PLCE1: variants seen among roughly 807,000 people sequenced by gnomAD.
The protein encoded by PLCE1 is 1-phosphatidylinositol 4,5-bisphosphate phosphodiesterase epsilon-1.
A neutral mutation model predicts 242.8 loss-of-function variants in PLCE1; 119 were observed. The observed-to-expected ratio is 0.49, with a 90% confidence interval of 0.42 to 0.57. The LOEUF (loss-of-function observed/expected upper bound fraction) is 0.57, where lower values mean the gene tolerates loss of function less well. PLCE1 is among the 20% of genes least tolerant of loss of function. PLCE1 has a pLI of 0.00. For synonymous variants in PLCE1, 945 were observed against 1,017.4 expected (o/e 0.93, Z 1.35); for missense variants, 2,441 against 2,788.8 (o/e 0.88, Z 2.81).
At chr10:94,208,845 G>T (rs1256339399) in intron 4 of PLCE1, among the ~76,000 whole-genome samples, 1 of 152,184 alleles carries the variant, frequency 6.6e-6, no homozygotes, top group African/African-American at 2.4e-5. Context: ...ACCAAAGTGG[G>T]TCTCATTGCA....
At chr10:94,321,788 A>T in intron 29 of PLCE1, 113 bp from the exon 30 acceptor site, 3 of 742,626 alleles carry the variant, frequency 4.0e-6, no homozygotes, top group Non-Finnish European at 6.9e-6. Context: ...ATGAGATATT[A>T]AGCTAAGAAG....
intron 19 of PLCE1, 140 bp downstream of exon 19, chr10:94,273,860 T>G (rs2051840966): frequency 2.4e-6 from 2 of 818,210 alleles, no homozygotes; most frequent in Middle Eastern, 2.5e-4. Context: ...AGTTTGATTT[T>G]GGGCTTTTCA....
At chr10:94,230,512 A>C (rs1669091003) in intron 5 of PLCE1, among the ~76,000 whole-genome samples, 1 of 152,026 alleles carries the variant, frequency 6.6e-6, no homozygotes, top group South Asian at 2.1e-4. Flanking sequence ...TTTAGTAGAG[A>C]TGGACTTTCA....
intron 4 of PLCE1, among the ~76,000 whole-genome samples, chr10:94,185,280 A>G (rs999686898): frequency 1.3e-5 from 2 of 152,246 alleles, no homozygotes; most frequent in Non-Finnish European, 2.9e-5. Context: ...GGATCACCTG[A>G]GATCAGGAGT....
intron 4 of PLCE1, among the ~76,000 whole-genome samples, chr10:94,191,226 C>T (rs1221630181): frequency 6.6e-6 from 1 of 152,180 alleles, no homozygotes; most frequent in African/African-American, 2.4e-5. Flanking sequence ...AATGGCATAA[C>T]ATTACTCTCC....
At chr10:94,187,052 T>C (rs897978337) in intron 4 of PLCE1, among the ~76,000 whole-genome samples, 1 of 151,826 alleles carries the variant, frequency 6.6e-6, no homozygotes, top group African/African-American at 2.4e-5. Context: ...GACATGGGGC[T>C]AAAAAAATGA....
intron 7 of PLCE1, among the ~76,000 whole-genome samples, chr10:94,240,216 C>T (rs947840291): frequency 6.6e-6 from 1 of 152,160 alleles, no homozygotes; most frequent in Non-Finnish European, 1.5e-5. Context: ...AACTTAAACT[C>T]AAGCCAGACA....
Position 94,306,720 on chromosome 10 carries a change from G to T in PLCE1, c.5884+32G>T, listed in dbSNP as rs1451952804. The stretch of plus-strand genomic sequence containing the variant: ...TAAAATTGTCCAAATGTTAATAATT[G>T]TTGTAGCTAGGTGATGGATGCCAGA... On this transcript the variant is annotated intron_variant, in intron 26 of 32. Coordinates refer to ENST00000371380, the MANE Select transcript of PLCE1 (RefSeq NM_016341.4). This position sits in a 1 kb window ranked among gnomAD's most constrained non-coding sequence, Gnocchi z 5.7. The T allele has an allele frequency of 6.5e-7, 1 of 1,539,954 alleles. No homozygotes were observed. The highest frequency in any genetic ancestry group is 1.7e-5 in the Admixed American group (1 of 57,322).
Position 94,030,873 on chromosome 10 carries a change from A to G in PLCE1, c.-174A>G, listed in dbSNP as rs1423650892. On this transcript the variant is annotated 5_prime_UTR_variant, in exon 2 of 33. An upstream open reading frame in the 5' UTR loses its in-frame stop. Coordinates refer to ENST00000371380, the MANE Select transcript of PLCE1 (RefSeq NM_016341.4). ...ATATTCATGATAGGAAGTTATAACTAAGAAAATTTATTTGCCTCTTAATGC... is the reference window on the plus strand; with the variant it reads ...ATATTCATGATAGGAAGTTATAACTGAGAAAATTTATTTGCCTCTTAATGC... 1 of 652,570 alleles carries G rather than the reference A, an allele frequency of 1.5e-6. No homozygotes were observed. The highest frequency in any genetic ancestry group is 1.8e-5 in the African/African-American group (1 of 54,508). 40.4% of individuals were successfully genotyped at this position (652,570 alleles called of 1,614,324 possible).
rs1442292574 is a variant in PLCE1, at chr10:94,162,984, C to T, written c.1493-8196C>T. Among the ~76,000 whole-genome samples the T allele has an allele frequency of 2.0e-5, 3 of 152,158 alleles. No homozygotes were observed. In the South Asian group the frequency reaches 6.2e-4, roughly 32 times the overall value. ...AGTGGTTTTGAGTGAGTTTCTTAAT[C>T]CTGAGTTCTAGTTTGATTGCACCGT... On this transcript the variant is annotated intron_variant, in intron 3 of 32. Coordinates refer to ENST00000371380, the MANE Select transcript of PLCE1 (RefSeq NM_016341.4).
At chr10:94,049,011 G>A (rs567970453) in intron 2 of PLCE1, among the ~76,000 whole-genome samples, 1 of 151,950 alleles carries the variant, frequency 6.6e-6, no homozygotes, top group Admixed American at 6.6e-5. Context: ...CTATGCTCCT[G>A]CCTCAGCCTT....
chr10:94,049,105 G>A (rs1010375985), intron 2 of PLCE1, among the ~76,000 whole-genome samples: 1 of 151,964 alleles, frequency 6.6e-6, no homozygotes, highest in Non-Finnish European at 1.5e-5. Flanking sequence ...TGTGTATAGT[G>A]TTAATACTTT....
At chr10:94,089,040 A>G in intron 2 of PLCE1, 1 of 1,592,086 alleles carries the variant, frequency 6.3e-7, no homozygotes, top group Admixed American at 1.7e-5. Context: ...TGCACGTTGC[A>G]GGATTTTTCA....
intron 2 of PLCE1, among the ~76,000 whole-genome samples, chr10:94,075,367 G>A (rs1012093223): frequency 2.0e-5 from 3 of 152,122 alleles, no homozygotes; most frequent in Non-Finnish European, 4.4e-5. Context: ...AAAAAATATT[G>A]GGCTAGTAGA....
intron 2 of PLCE1, among the ~76,000 whole-genome samples, chr10:94,048,200 A>G (rs2043649679): frequency 6.6e-6 from 1 of 152,046 alleles, no homozygotes; most frequent in South Asian, 2.1e-4. Context: ...GAGTGTTTCT[A>G]TGTTTTTGGT....
At chr10:94,039,495 C>G (rs1360801206) in intron 2 of PLCE1, among the ~76,000 whole-genome samples, 2 of 151,980 alleles carry the variant, frequency 1.3e-5, no homozygotes, top group African/African-American at 4.8e-5. Context: ...AATTCTCATG[C>G]CTCAACCTGA....
intron 1 of PLCE1, among the ~76,000 whole-genome samples, chr10:94,026,268 A>G (rs757460261): frequency 2.6e-4 from 39 of 152,232 alleles, no homozygotes; most frequent in Middle Eastern, 6.8e-3. Flanking sequence ...CCATAGATCG[A>G]CTTCCTGGCC....
At chr10:94,106,192 C>T (rs1409883872) in intron 2 of PLCE1, 1 of 152,142 alleles carries the variant, frequency 6.6e-6, no homozygotes, top group African/African-American at 2.4e-5. Flanking sequence ...AATTTTTCAC[C>T]CACTTCAAAA....
chr10:94,224,742 C>A lies in PLCE1; in HGVS notation c.1810-2564C>A, dbSNP rs568318353. ...TAAAGGAAGAATTAGATGGATGCAC[C>A]AATGACTCAGTCTCTGTTAGCAAAA... is the stretch of plus-strand genomic sequence containing the variant. On this transcript the variant is annotated intron_variant, in intron 4 of 32. Transcript: ENST00000371380. 4.6e-5 allele frequency among the ~76,000 whole-genome samples: 7 copies of A among 152,304 alleles called. No homozygotes were observed. In the South Asian group the frequency reaches 1.4e-3, roughly 32 times the overall value.
Sources: gnomAD v4.1 joint callset for allele counts (sites outside exome capture counted in the v4.1 genomes callset) on GRCh38, gnomAD v4.1.1 for gene constraint, Gnocchi (gnomAD v3.1) non-coding constraint, MANE v1.5 for transcripts, NCBI Gene and HGNC (gene_info 2026-07-23, HGNC 2026-07-21) for gene names.